Variants in UBE3C observed in about 807,000 individuals in gnomAD.
The protein encoded by UBE3C is ubiquitin protein ligase E3C, also known as ubiquitin-protein ligase E3C.
Under a neutral mutation model 129.4 loss-of-function variants are expected in UBE3C, and 42 were observed. The ratio of observed to expected loss-of-function variants is 0.32; its 90% confidence interval spans 0.25 to 0.42. The LOEUF (loss-of-function observed/expected upper bound fraction) is 0.42, where lower values mean the gene tolerates loss of function less well. Among genes scored for constraint, UBE3C ranks in the 10% least tolerant of loss-of-function variants. The probability of loss-of-function intolerance (pLI) is 1.00; values close to 1 mark genes in which losing one functional copy is unlikely to be tolerated. For synonymous variants in UBE3C, 510 were observed against 492.4 expected, an observed-to-expected ratio of 1.04 and a Z score of -0.47; for missense variants, 1,049 against 1,319.1, an observed-to-expected ratio of 0.80 and a Z score of 3.17.
chr7:157,157,376 G>C (rs1807939133), intron 1 of UBE3C, among the ~76,000 whole-genome samples: 1 of 152,154 alleles, frequency 6.6e-6, no homozygotes, highest in Non-Finnish European at 1.5e-5. Flanking sequence ...TCATGAAAAT[G>C]ATTATTTGTA....
At chr7:157,183,052 T>G (rs1274661761) in intron 8 of UBE3C, among the ~76,000 whole-genome samples, 1 of 152,182 alleles carries the variant, frequency 6.6e-6, no homozygotes, top group African/African-American at 2.4e-5. Flanking sequence ...CAGCCCAAAC[T>G]GTTTTTCTTA....
At chr7:157,183,430 G>A (rs943551478) in intron 8 of UBE3C, among the ~76,000 whole-genome samples, 1 of 152,126 alleles carries the variant, frequency 6.6e-6, no homozygotes, top group Non-Finnish European at 1.5e-5. Flanking sequence ...CACACTCTCG[G>A]CACCTCCCTG....
At chr7:157,194,764 A>C (rs1487901504) in intron 10 of UBE3C, among the ~76,000 whole-genome samples, 1 of 152,250 alleles carries the variant, frequency 6.6e-6, no homozygotes, top group Admixed American at 6.5e-5. Context: ...TCCTTGTTAC[A>C]TAGTGGCAAA....
At chr7:157,169,695 GT>G in intron 3 of UBE3C, among the ~76,000 whole-genome samples, 1 of 151,536 alleles carries the variant, frequency 6.6e-6, no homozygotes, top group South Asian at 2.1e-4. Flanking sequence ...TTTGTTTTTT[GT>G]TTTTTGAGAG....
At chr7:157,165,478 A>C (rs1586656267) in intron 2 of UBE3C, among the ~76,000 whole-genome samples, 1 of 149,980 alleles carries the variant, frequency 6.7e-6, no homozygotes, top group African/African-American at 2.5e-5. Flanking sequence ...GCTCACTGCA[A>C]CCTCCGCCTT....
chr7:157,188,203 G>A (rs1489611863), intron 10 of UBE3C, among the ~76,000 whole-genome samples: 2 of 152,238 alleles, frequency 1.3e-5, no homozygotes, highest in African/African-American at 4.8e-5. Context: ...CAGGTCTGAC[G>A]TTAATTCACG....
In UBE3C at chr7:157,201,795, G is replaced by T; in HGVS notation, c.1406G>T (p.Arg469Leu). 1 of 1,610,804 alleles carries T rather than the reference G, an allele frequency of 6.2e-7. No homozygotes were observed. The highest frequency in any genetic ancestry group is 1.1e-5 in the South Asian group (1 of 90,852). ...TTTCTAATATCTTCCATGTCAACACGGATGATCACAGGGTATGTATTATAC... is the reference window on the plus strand; with the variant it reads ...TTTCTAATATCTTCCATGTCAACACTGATGATCACAGGGTATGTATTATAC... Reference protein sequence around the residue: ...LWFLISSMSTRMITGSMVPLL... With the variant: ...LWFLISSMSTLMITGSMVPLL... The change falls in exon 11 of 23, where the codon CGG becomes CTG. Residue 469 changes from arginine to leucine, a missense_variant. By Grantham distance (102) the Arg-to-Leu change is moderately radical. Transcript: ENST00000348165.
chr7:157,177,773 T>G (rs1395176221), intron 5 of UBE3C, among the ~76,000 whole-genome samples: 2 of 152,166 alleles, frequency 1.3e-5, no homozygotes, highest in Non-Finnish European at 2.9e-5. Context: ...GGTAAGCGGA[T>G]AAGCCGTGTA....
At position 157,146,881 on chromosome 7, in the gene UBE3C, C is replaced by T. The variant is rs188481685; in HGVS notation, c.66+7543C>T. Among the ~76,000 whole-genome samples, 97 of 152,212 alleles carry T rather than the reference C, an allele frequency of 6.4e-4. 1 individual carries two copies. The highest frequency in any genetic ancestry group is 2.2e-3 in the African/African-American group (92 of 41,520). On this transcript the variant is annotated intron_variant, in intron 1 of 22. Transcript: ENST00000348165. ...GGCCAGGCTGGTCTTGAACTCCTGA[C>T]CTGAAGTGATCCGCCTGCCTCAGCC...
chr7:157,236,399 G>T (rs1418740605), intron 18 of UBE3C, among the ~76,000 whole-genome samples: 1 of 149,848 alleles, frequency 6.7e-6, no homozygotes, highest in Non-Finnish European at 1.5e-5. Flanking sequence ...CTATAAATCA[G>T]ATTATTTGAT....
At chr7:157,238,376 G>A (rs1027415915) in intron 18 of UBE3C, among the ~76,000 whole-genome samples, 10 of 151,998 alleles carry the variant, frequency 6.6e-5, no homozygotes, top group South Asian at 2.1e-4. Context: ...CTGGGAGACC[G>A]GATGGAGTGT....
At chr7:157,145,047 G>A (rs1198837288) in intron 1 of UBE3C, among the ~76,000 whole-genome samples, 4 of 152,124 alleles carry the variant, frequency 2.6e-5, no homozygotes, top group Admixed American at 1.3e-4. Context: ...TTAGGAGGCC[G>A]AGGTAGGCAG....
At chr7:157,240,362 T>G (rs1013794866) in intron 18 of UBE3C, among the ~76,000 whole-genome samples, 4 of 152,208 alleles carry the variant, frequency 2.6e-5, no homozygotes, top group African/African-American at 9.7e-5. Context: ...GCCAGCAAGC[T>G]GTGAATAGGC....
At chr7:157,218,173 C>T (rs1052831640) in intron 14 of UBE3C, among the ~76,000 whole-genome samples, 2 of 152,040 alleles carry the variant, frequency 1.3e-5, no homozygotes, top group Non-Finnish European at 1.5e-5. Flanking sequence ...CGGCTGGGCG[C>T]GGTGGCTCAT....
At chr7:157,169,435 G>A (rs1201028484) in intron 3 of UBE3C, among the ~76,000 whole-genome samples, 2 of 151,366 alleles carry the variant, frequency 1.3e-5, no homozygotes, top group Non-Finnish European at 2.9e-5. Context: ...GAGTGCAGTG[G>A]CATGATCTCG....
intron 13 of UBE3C, among the ~76,000 whole-genome samples, chr7:157,209,897 A>C (rs531253209): frequency 7.9e-5 from 12 of 152,220 alleles, no homozygotes; most frequent in Non-Finnish European, 1.8e-4. Context: ...GAGTTAGGGC[A>C]AGGCCGGGTG....
At chr7:157,166,855 C>T (rs1563036355) in intron 2 of UBE3C, among the ~76,000 whole-genome samples, 3 of 151,218 alleles carry the variant, frequency 2.0e-5, no homozygotes, top group Admixed American at 6.6e-5. Flanking sequence ...CTTGTTTTTT[C>T]ATGTTTCCAG....
At chr7:157,220,332 AAAACT>A (rs1795702675) in intron 14 of UBE3C, among the ~76,000 whole-genome samples, 1 of 152,248 alleles carries the variant, frequency 6.6e-6, no homozygotes, top group Non-Finnish European at 1.5e-5. Flanking sequence ...AATTGAAAAA[AAAACT>A]AGAAAGTGAA....
chr7:157,265,928 TA>T (rs1294139432), intron 22 of UBE3C, among the ~76,000 whole-genome samples: 3 of 152,212 alleles, frequency 2.0e-5, no homozygotes, highest in Non-Finnish European at 2.9e-5. Flanking sequence ...TGTTAACAAT[TA>T]TTTAAATTCT....
Sources: gnomAD v4.1 joint callset for allele counts (sites outside exome capture counted in the v4.1 genomes callset) on GRCh38, gnomAD v4.1.1 for gene constraint, MANE v1.5 for transcripts, NCBI Gene and HGNC (gene_info 2026-07-23, HGNC 2026-07-21) for gene names.